The following ITCH variants were observed in gnomAD, a reference collection of about 807,000 sequenced individuals.
The protein encoded by ITCH is E3 ubiquitin-protein ligase Itchy homolog.
A neutral mutation model predicts 126.8 loss-of-function variants in ITCH; 28 were observed. That is an observed-to-expected ratio of 0.22 (90% confidence interval 0.16 to 0.30). The LOEUF (loss-of-function observed/expected upper bound fraction) is 0.30, where lower values mean the gene tolerates loss of function less well. Among genes scored for constraint, ITCH ranks in the 10% least tolerant of loss-of-function variants. The pLI is 1.00. For missense variants in ITCH, 631 were observed against 1,032.4 expected, an observed-to-expected ratio of 0.61 and a Z score of 5.33; for synonymous variants, 342 against 340.0, an observed-to-expected ratio of 1.01 and a Z score of -0.06.
chr20:34,367,761 A>T lies in ITCH; in HGVS notation c.-98-1633A>T, dbSNP rs1370920519. ...TTAAATAATTTACCTGAAACTAGTT[A>T]AGAGTAAGAACTAGAACTAGAACTG... On this transcript the variant is annotated intron_variant, in intron 1 of 24. Coordinates refer to ENST00000374864, the MANE Select transcript of ITCH (RefSeq NM_031483.7). 2.0e-5 allele frequency among the ~76,000 whole-genome samples: 3 copies of T among 152,180 alleles called. No individual in the cohort carries two copies. In the East Asian group the frequency reaches 5.8e-4, roughly 29 times the overall value.
intron 20 of ITCH, among the ~76,000 whole-genome samples, chr20:34,483,978 A>G (rs188509806): frequency 2.0e-3 from 305 of 152,232 alleles, no homozygotes; most frequent in Non-Finnish European, 3.4e-3. Context: ...TGTGCTGGGA[A>G]ACTCCCATTT....
At chr20:34,417,114 T>C (rs771479803) in intron 6 of ITCH, 2 of 654,316 alleles carry the variant, frequency 3.1e-6, no homozygotes, top group Non-Finnish European at 5.6e-6. Flanking sequence ...TTTTTTTTTT[T>C]AGATGGGGTT....
chr20:34,417,862 C>T lies in ITCH; in HGVS notation c.475+3983C>T, dbSNP rs2225838. Among the ~76,000 whole-genome samples, 1,441 of 151,414 alleles carry T rather than the reference C, an allele frequency of 9.5e-3. 35 individuals are homozygous for T. The highest frequency in any genetic ancestry group is 0.034 in the African/African-American group (1,383 of 41,254). On this transcript the variant is annotated intron_variant, in intron 6 of 24. Coordinates refer to ENST00000374864, the MANE Select transcript of ITCH (RefSeq NM_031483.7). The stretch of plus-strand genomic sequence containing the variant: ...GTTTTTTTGGTGAGTTGTTTAGTAC[C>T]AGTCTTCCCATTTATGACCTCTAAC...
rs1269153797 is a variant in ITCH at position 34,489,792 on chromosome 20, G to A, written c.2215-30G>A. On this transcript the variant is annotated intron_variant, in intron 21 of 24. Coordinates refer to ENST00000374864, the MANE Select transcript of ITCH (RefSeq NM_031483.7). ...CAGCTGTTTTTGTACAGTTACCTTA[G>A]GAAACAATTTGTCTTTTTCATCCCT... 4 of 1,461,238 alleles carry A rather than the reference G, an allele frequency of 2.7e-6. No homozygotes were observed. The African/African-American group carries it at 5.6e-5, about 20-fold the overall frequency. 90.5% of individuals were successfully genotyped at this position (1,461,238 alleles called of 1,614,324 possible). A position where few individuals can be genotyped will look rare whatever the true frequency, so the allele number is the denominator to read the frequency against.
At chr20:34,418,852 C>T (rs1278610492) in intron 6 of ITCH, among the ~76,000 whole-genome samples, 1 of 148,230 alleles carries the variant, frequency 6.7e-6, no homozygotes, top group Non-Finnish European at 1.5e-5. Context: ...ACCTCCATCT[C>T]CTGGGTTCAA....
intron 10 of ITCH, among the ~76,000 whole-genome samples, chr20:34,443,355 C>G (rs1286467666): frequency 1.3e-5 from 2 of 151,508 alleles, no homozygotes; most frequent in African/African-American, 2.4e-5. Context: ...ACTAAAAATA[C>G]AAAAATTAGC....
chr20:34,474,681 C>T (rs1467110018), intron 16 of ITCH, among the ~76,000 whole-genome samples: 1 of 152,228 alleles, frequency 6.6e-6, no homozygotes, highest in Non-Finnish European at 1.5e-5. Flanking sequence ...CTGTTGGGTA[C>T]ACCTCCCAGA....
At position 34,477,791 on chromosome 20, in the gene ITCH, A is replaced by C; in HGVS notation, c.1589A>C (p.Gln530Pro). 6.2e-7 allele frequency: 1 copy of C among 1,613,820 alleles called. No individual in the cohort carries two copies. The highest frequency in any genetic ancestry group is 8.5e-7 in the Non-Finnish European group (1 of 1,179,824). Residue 530 changes from glutamine to proline, a missense_variant, in exon 17 of 25, where the codon CAA becomes CCA. Transcript: ENST00000374864. ...TTTTAGATAATGAGCTTCAGTCCCC[A>C]AGATCTGCGAAGACGTTTGTGGGTG... Reference protein sequence around the residue: ...SFQQIMSFSPQDLRRRLWVIF... With the variant: ...SFQQIMSFSPPDLRRRLWVIF...
intron 6 of ITCH, among the ~76,000 whole-genome samples, chr20:34,416,407 G>GA (rs1979860419): frequency 6.6e-6 from 1 of 152,032 alleles, no homozygotes; most frequent in African/African-American, 2.4e-5. Context: ...TCAAAAGAAA[G>GA]AAAAGAAAAC....
chr20:34,484,871 C>G (rs927803522), intron 20 of ITCH, among the ~76,000 whole-genome samples: 1 of 152,098 alleles, frequency 6.6e-6, no homozygotes, highest in Non-Finnish European at 1.5e-5. Context: ...GCATCATGTC[C>G]ATGTAAATAT....
Position 34,381,864 on chromosome 20 carries a change from TA to T in ITCH, c.-21-11910del, listed in dbSNP as rs751332155. ...TGTCAACAGAGCAAGTCCCTGTCTC[TA>T]AAAAAAAAAAAAAAAATGGAAAGAA... On this transcript the variant is annotated intron_variant, in intron 2 of 24. Coordinates refer to ENST00000374864, the MANE Select transcript of ITCH (RefSeq NM_031483.7). Among the ~76,000 whole-genome samples the T allele has an allele frequency of 7.9e-3, 1,012 of 127,914 alleles. 2 individuals carry two copies. The highest frequency in any genetic ancestry group is 0.01 in the African/African-American group (345 of 34,466). 83.9% of individuals were successfully genotyped at this position (127,914 alleles called of 152,430 possible).
intron 2 of ITCH, among the ~76,000 whole-genome samples, chr20:34,389,100 C>A (rs965713482): frequency 1.3e-5 from 2 of 152,086 alleles, no homozygotes; most frequent in African/African-American, 4.8e-5. Flanking sequence ...TGTGAAAAGT[C>A]CTTCCCATAG....
intron 2 of ITCH, among the ~76,000 whole-genome samples, chr20:34,377,361 G>A (rs780322615): frequency 5.3e-5 from 8 of 152,114 alleles, no homozygotes; most frequent in Non-Finnish European, 1.0e-4. Context: ...GCGACAGAGC[G>A]AGACCCTGTC....
chr20:34,419,083 T>TA (rs888041113), intron 6 of ITCH, among the ~76,000 whole-genome samples: 1 of 152,156 alleles, frequency 6.6e-6, no homozygotes. Flanking sequence ...TTTCAACATG[T>TA]ATGTTATGTT....
intron 3 of ITCH, among the ~76,000 whole-genome samples, chr20:34,395,627 A>T (rs1437468135): frequency 6.6e-6 from 1 of 152,146 alleles, no homozygotes; most frequent in Non-Finnish European, 1.5e-5. Flanking sequence ...CCATCCATCC[A>T]CAAACCCAGG....
chr20:34,502,527 A>G (rs1486090643), intron 23 of ITCH, among the ~76,000 whole-genome samples: 2 of 151,994 alleles, frequency 1.3e-5, no homozygotes, highest in African/African-American at 2.4e-5. Flanking sequence ...CCTGGCCAAC[A>G]TAGTGAAACC....
intron 4 of ITCH, among the ~76,000 whole-genome samples, chr20:34,409,139 T>TC (rs55788421): frequency 0.023 from 1,940 of 82,570 alleles, 82 homozygotes; most frequent in African/African-American, 0.056. Flanking sequence ...TTATGAGTAC[T>TC]CCCCCCCCCC....
chr20:34,504,540 G>A, intron 24 of ITCH, 137 bp downstream of exon 24: 1 of 691,528 alleles, frequency 1.4e-6, no homozygotes, highest in Non-Finnish European at 2.6e-6. Context: ...CAGTTTAAGA[G>A]CATTTTGTTC....
rs573602534 is a variant in ITCH at position 34,460,983 on chromosome 20, T to G, written c.1296-1110T>G. 2.6e-5 allele frequency among the ~76,000 whole-genome samples: 4 copies of G among 152,148 alleles called. No individual in the cohort carries two copies. In the South Asian group the frequency reaches 8.3e-4, roughly 32 times the overall value. ...CTGCAGTGAACTATGATCATGCCAC[T>G]GCACTCCACCCTGGGCAGCAGAGTG... On this transcript the variant is annotated intron_variant, in intron 13 of 24. Transcript: ENST00000374864.
Sources: gnomAD v4.1 joint callset for allele counts (sites outside exome capture counted in the v4.1 genomes callset) on GRCh38, gnomAD v4.1.1 for gene constraint, MANE v1.5 for transcripts, NCBI Gene and HGNC (gene_info 2026-07-23, HGNC 2026-07-21) for gene names.